The following APPL2 variants were observed in gnomAD, a reference collection of about 807,000 sequenced individuals.
APPL2 encodes DCC-interacting protein 13-beta.
In APPL2, 84 loss-of-function variants were observed where a neutral mutation model predicts 92.7. That is an observed-to-expected ratio of 0.91 (90% confidence interval 0.76 to 1.09). The LOEUF (loss-of-function observed/expected upper bound fraction) is 1.09. Among genes scored for constraint, APPL2 ranks in the 50% least tolerant of loss-of-function variants. The pLI is 0.00. For synonymous variants in APPL2, 291 were observed against 291.0 expected (o/e 1.00, Z 0.00); for missense variants, 736 against 824.5 (o/e 0.89, Z 1.31).
intron 8 of APPL2, among the ~76,000 whole-genome samples, chr12:105,204,169 C>T (rs1025712634): frequency 3.3e-5 from 5 of 152,212 alleles, no homozygotes; most frequent in Admixed American, 3.3e-4. Flanking sequence ...TCTTCTACAG[C>T]CATGACTTTT....
chr12:105,216,571 TG>T (rs1349551028), intron 4 of APPL2, among the ~76,000 whole-genome samples: 3 of 151,668 alleles, frequency 2.0e-5, no homozygotes, highest in East Asian at 3.9e-4. Flanking sequence ...AGGAAAAACA[TG>T]GGGGGTAGAG....
rs2135862793 is a variant in APPL2 at position 105,174,176 on chromosome 12, C to G, written c.*138G>C. 8 of 1,044,492 alleles carry G rather than the reference C, an allele frequency of 7.7e-6. No individual in the cohort carries two copies. In the South Asian group the frequency reaches 1.4e-4, roughly 19 times the overall value. 64.7% of individuals were successfully genotyped at this position (1,044,492 alleles called of 1,614,324 possible). The stretch of plus-strand genomic sequence containing the variant: ...TAGTTTCCCTCCCAAGTCTCAGTAT[C>G]AAGGCATCAAGATTACATTCCACAA... On this transcript the variant is annotated 3_prime_UTR_variant, in exon 21 of 21. Coordinates refer to ENST00000258530, the MANE Select transcript of APPL2 (RefSeq NM_018171.5).
At chr12:105,232,204 G>T (rs368944268) in intron 1 of APPL2, among the ~76,000 whole-genome samples, 90 of 152,282 alleles carry the variant, frequency 5.9e-4, no homozygotes, top group Middle Eastern at 6.8e-3. Context: ...CTTGCCAAAA[G>T]TAACAGTAGC....
chr12:105,181,648 C>A (rs960085792), intron 17 of APPL2, among the ~76,000 whole-genome samples: 1 of 152,108 alleles, frequency 6.6e-6, no homozygotes, highest in South Asian at 2.1e-4. Context: ...AACTTGTTAT[C>A]GGTCTATTCA....
intron 16 of APPL2, 24 bp from the exon 17 acceptor site, chr12:105,188,471 A>G (rs1286467012): frequency 6.2e-7 from 1 of 1,611,974 alleles, no homozygotes; most frequent in Admixed American, 1.7e-5. Flanking sequence ...TTTTCCACTC[A>G]GGATCTCATT....
intron 1 of APPL2, among the ~76,000 whole-genome samples, chr12:105,231,039 T>C (rs1890883050): frequency 6.6e-6 from 1 of 152,228 alleles, no homozygotes. Context: ...ATCGATAATA[T>C]GCATACACAT....
intron 14 of APPL2, among the ~76,000 whole-genome samples, chr12:105,192,515 C>CT (rs1222104651): frequency 6.6e-6 from 1 of 151,402 alleles, no homozygotes; most frequent in East Asian, 1.9e-4. Context: ...GTTACACTGC[C>CT]TTTTTTCAGT....
intron 9 of APPL2, among the ~76,000 whole-genome samples, chr12:105,202,506 A>G (rs889895364): frequency 2.0e-5 from 3 of 152,246 alleles, no homozygotes. Flanking sequence ...GAAACACAGA[A>G]GTGCGAGGAA....
At chr12:105,226,965 A>G (rs1024317798) in intron 2 of APPL2, among the ~76,000 whole-genome samples, 1 of 151,932 alleles carries the variant, frequency 6.6e-6, no homozygotes, top group Non-Finnish European at 1.5e-5. Context: ...ATCAAAAAGA[A>G]AAAAAATTAG....
At chr12:105,200,129 C>T (rs1198136929) in intron 9 of APPL2, among the ~76,000 whole-genome samples, 2 of 152,126 alleles carry the variant, frequency 1.3e-5, no homozygotes, top group Admixed American at 6.5e-5. Flanking sequence ...CCACCGCGCC[C>T]GGCTGAACCC....
chr12:105,174,879 G>GGT (rs1203583037), intron 20 of APPL2, among the ~76,000 whole-genome samples: 1 of 137,154 alleles, frequency 7.3e-6, no homozygotes, highest in Admixed American at 7.1e-5. Flanking sequence ...TTTTTGGTGG[G>GGT]GGGGGGGGTG....
Position 105,176,070 on chromosome 12 carries a change from T to C in APPL2, c.1825A>G (p.Ile609Val). 2 of 1,591,582 alleles carry C rather than the reference T, an allele frequency of 1.3e-6. No homozygotes were observed. Among genetic ancestry groups the C allele is most frequent in the African/African-American group, 1.4e-5 (1 of 73,458 alleles). Residue 609 changes from isoleucine (I) to valine (V), a missense_variant, in exon 20 of 21, where the codon ATT (isoleucine) becomes GTT (valine). Ile to Val is a conservative substitution (Grantham distance 29). Transcript: ENST00000258530. ...NSEGEKICYA[I>V]NLGKEIIEVQ... is the part of the protein sequence containing the mutation. Reference sequence around the variant, plus strand: ...TCAATAATTTCTTTTCCCAAATTAATAGCATAACATATCTGCAAAAGACAA... The same window carrying C: ...TCAATAATTTCTTTTCCCAAATTAACAGCATAACATATCTGCAAAAGACAA...
At chr12:105,214,617 T>C (rs1006951396) in intron 4 of APPL2, among the ~76,000 whole-genome samples, 1 of 152,232 alleles carries the variant, frequency 6.6e-6, no homozygotes, top group Non-Finnish European at 1.5e-5. Context: ...AAAACCCTTG[T>C]AATTTCCTCA....
chr12:105,201,190 T>C (rs1454998694), intron 9 of APPL2, among the ~76,000 whole-genome samples: 3 of 152,228 alleles, frequency 2.0e-5, no homozygotes, highest in Admixed American at 1.3e-4. Context: ...ATTACAGGTG[T>C]GAGCCACTGC....
At position 105,174,226 on chromosome 12, in the gene APPL2, G is replaced by C. The variant is rs115068023; in HGVS notation, c.*88C>G. On this transcript the variant is annotated 3_prime_UTR_variant, in exon 21 of 21. Transcript: ENST00000258530. ...AACGATTGTCAGCCTTCGGAAATCAGGTCAGTGTGCCTGTATGTCAGAGAC... is the reference window on the plus strand; with the variant it reads ...AACGATTGTCAGCCTTCGGAAATCACGTCAGTGTGCCTGTATGTCAGAGAC... The C allele has an allele frequency of 1.0e-3, 1,501 of 1,478,214 alleles. 13 individuals are homozygous for C. In the African/African-American group the frequency reaches 0.018, roughly 18 times the overall value. The allele number at this position is 1,478,214 out of a possible 1,614,324, so 91.6% of individuals were successfully genotyped here.
At chr12:105,181,620 T>C (rs1303849923) in intron 17 of APPL2, among the ~76,000 whole-genome samples, 1 of 152,226 alleles carries the variant, frequency 6.6e-6, no homozygotes, top group Non-Finnish European at 1.5e-5. Context: ...AGGCTATTAA[T>C]TATTGCCTCA....
chr12:105,197,926 C>T lies in APPL2; in HGVS notation c.891G>A (p.Trp297Ter). 1 of 1,614,154 alleles carries T rather than the reference C, an allele frequency of 6.2e-7. No individual in the cohort carries two copies. Residue 297 changes from tryptophan (W) to a stop codon, truncating the protein, a stop_gained, in exon 11 of 21, where the codon TGG becomes TGA. Transcript: ENST00000258530. LOFTEE classifies it high-confidence loss of function. ...CTTGGGTGAAGAAATAAAGCCTCTC[C>T]CAGGTGGTGGTGACCAGCCCTGTTT... The part of the protein sequence containing the change: ...RNKTGLVTTT[W>*]ERLYFFTQGG...
chr12:105,193,604 T>A (rs947192286), intron 14 of APPL2, among the ~76,000 whole-genome samples: 1 of 152,244 alleles, frequency 6.6e-6, no homozygotes, highest in Non-Finnish European at 1.5e-5. Flanking sequence ...TTCCACTTCC[T>A]TTCATATAGT....
chr12:105,218,244 CA>C (rs1889845762), intron 2 of APPL2, among the ~76,000 whole-genome samples: 1 of 152,052 alleles, frequency 6.6e-6, no homozygotes. Context: ...AATACCAAAA[CA>C]AATCAAAAGG....
Sources: allele counts gnomAD v4.1 joint callset (sites outside exome capture counted in the v4.1 genomes callset), GRCh38; gene constraint gnomAD v4.1.1; transcripts MANE v1.5; gene names NCBI Gene and HGNC (gene_info 2026-07-23, HGNC 2026-07-21).